RBFOX1: variants seen among roughly 807,000 people sequenced by gnomAD.
The protein encoded by RBFOX1 is RNA binding protein fox-1 homolog 1.
In RBFOX1, 8 loss-of-function variants were observed where a neutral mutation model predicts 57.7. The observed-to-expected ratio is 0.14, with a 90% CI of 0.08 to 0.25. The LOEUF is 0.25. Among genes scored for constraint, RBFOX1 ranks in the 10% least tolerant of loss-of-function variants. The pLI is 1.00. For synonymous variants in RBFOX1, 326 were observed against 222.4 expected (o/e 1.47, Z -4.15); for missense variants, 611 against 548.5 (o/e 1.11, Z -1.14).
chr16:7,652,139 A>G (rs972121560), intron 11 of RBFOX1, among the ~76,000 whole-genome samples: 1 of 152,012 alleles, frequency 6.6e-6, no homozygotes, highest in Non-Finnish European at 1.5e-5. Flanking sequence ...ACTTAGTGAG[A>G]TGGGACAAGT....
chr16:7,434,659 T>A (rs768542665), intron 4 of RBFOX1, among the ~76,000 whole-genome samples: 28 of 152,106 alleles, frequency 1.8e-4, no homozygotes, highest in Admixed American at 3.3e-4. Context: ...TAGAATACTT[T>A]TACATTTACA....
Position 5,597,704 on chromosome 16 carries a change from A to G in RBFOX1, c.259-1198A>G, listed in dbSNP as rs530714896. ...TTGTAGAGCTTTAGGCATTGCTGAC[A>G]CTTTTGAGGCAGGAGCAGTTCCCTA... On this transcript the variant is annotated intron_variant, in intron 2 of 2. Coordinates refer to the RBFOX1 transcript ENST00000585867. 2.0e-5 allele frequency among the ~76,000 whole-genome samples: 3 copies of G among 152,198 alleles called. No individual in the cohort carries two copies. In the East Asian group the frequency reaches 5.8e-4, roughly 29 times the overall value.
rs1165798627 is a variant in RBFOX1 at position 7,229,627 on chromosome 16, G to T, written c.27+177529G>T. Among the ~76,000 whole-genome samples, 4 of 120,766 alleles carry T rather than the reference G, an allele frequency of 3.3e-5. No individual in the cohort carries two copies. The East Asian group carries it at 7.4e-4, about 22-fold the overall frequency. 79.2% of individuals were successfully genotyped at this position (120,766 alleles called of 152,430 possible). ...GAAGGAAGGAGAAGAAAGATGGAGG[G>T]AGGGAAGGGAAGGAAGGGAGAGAGA... On this transcript the variant is annotated intron_variant, in intron 4 of 15. Transcript: ENST00000550418.
intron 4 of RBFOX1, among the ~76,000 whole-genome samples, chr16:5,916,265 A>G (rs12443920): frequency 0.086 from 13,036 of 152,152 alleles, 865 homozygotes; most frequent in African/African-American, 0.18. Flanking sequence ...TATCCATAAC[A>G]GCTCTAATTC....
intron 3 of RBFOX1, among the ~76,000 whole-genome samples, chr16:5,761,013 G>C (rs1014524910): frequency 6.6e-6 from 1 of 152,226 alleles, no homozygotes; most frequent in African/African-American, 2.4e-5. Flanking sequence ...ATGAAAAACA[G>C]ATAATGTGGT....
At chr16:5,866,123 A>T (rs1177288062) in intron 3 of RBFOX1, among the ~76,000 whole-genome samples, 1 of 152,164 alleles carries the variant, frequency 6.6e-6, no homozygotes, top group Non-Finnish European at 1.5e-5. Flanking sequence ...GCACACCACC[A>T]TGCCCAGCTA....
intron 2 of RBFOX1, among the ~76,000 whole-genome samples, chr16:6,480,549 C>G (rs970676869): frequency 6.6e-6 from 1 of 152,202 alleles, no homozygotes; most frequent in African/African-American, 2.4e-5. Context: ...CCATTTTTAA[C>G]TAGCAGGCTG....
intron 2 of RBFOX1, among the ~76,000 whole-genome samples, chr16:6,446,475 T>C (rs1177375731): frequency 2.0e-5 from 3 of 152,198 alleles, no homozygotes; most frequent in Admixed American, 1.3e-4. Context: ...TCAAGTAACA[T>C]AGAAGGGACC....
intron 2 of RBFOX1, among the ~76,000 whole-genome samples, chr16:6,419,466 G>A (rs987705377): frequency 6.6e-6 from 1 of 152,214 alleles, no homozygotes; most frequent in Non-Finnish European, 1.5e-5. Flanking sequence ...AGACAAGACA[G>A]TGCTAAGAAA....
At chr16:6,111,978 C>T (rs1379695231) in intron 1 of RBFOX1, among the ~76,000 whole-genome samples, 1 of 151,978 alleles carries the variant, frequency 6.6e-6, no homozygotes, top group Non-Finnish European at 1.5e-5. Flanking sequence ...ATTAAAGGAT[C>T]GCTAAAACTT....
At chr16:6,561,762 T>C (rs1478626476) in intron 2 of RBFOX1, among the ~76,000 whole-genome samples, 2 of 152,228 alleles carry the variant, frequency 1.3e-5, no homozygotes, top group Non-Finnish European at 1.5e-5. Flanking sequence ...TAACATAATA[T>C]GGCTTTATAA....
chr16:6,956,107 G>A (rs945974113), intron 3 of RBFOX1, among the ~76,000 whole-genome samples: 1 of 152,052 alleles, frequency 6.6e-6, no homozygotes, highest in Non-Finnish European at 1.5e-5. Flanking sequence ...TCTGAGTGAG[G>A]GCCACAGAGG....
intron 1 of RBFOX1, among the ~76,000 whole-genome samples, chr16:6,194,325 G>C (rs954965118): frequency 1.1e-4 from 17 of 152,146 alleles, no homozygotes; most frequent in African/African-American, 4.1e-4. Flanking sequence ...GCTTCTAATT[G>C]GCATTTCTTC....
chr16:5,286,272 G>A (rs2063392735), intron 1 of RBFOX1, among the ~76,000 whole-genome samples: 1 of 152,194 alleles, frequency 6.6e-6, no homozygotes, highest in African/African-American at 2.4e-5. Context: ...TTGGTTGCTG[G>A]CAGTGGCAGT....
intron 4 of RBFOX1, among the ~76,000 whole-genome samples, chr16:7,258,196 T>G (rs2094773892): frequency 6.6e-6 from 1 of 152,228 alleles, no homozygotes; most frequent in Admixed American, 6.5e-5. Flanking sequence ...CAATGTGCCA[T>G]GTACAGAGAG....
intron 2 of RBFOX1, among the ~76,000 whole-genome samples, chr16:6,439,523 C>T (rs2094321847): frequency 6.6e-6 from 1 of 152,168 alleles, no homozygotes; most frequent in Non-Finnish European, 1.5e-5. Context: ...CTCATGCCTC[C>T]TGAGCTGCCC....
At chr16:6,410,658 GGAA>G (rs1475423786) in intron 2 of RBFOX1, among the ~76,000 whole-genome samples, 1 of 152,124 alleles carries the variant, frequency 6.6e-6, no homozygotes, top group Non-Finnish European at 1.5e-5. Context: ...CAAGGCGTGC[GGAA>G]GCACACTGAT....
chr16:7,345,993 A>G (rs1252695556), intron 4 of RBFOX1, among the ~76,000 whole-genome samples: 2 of 151,966 alleles, frequency 1.3e-5, no homozygotes, highest in African/African-American at 4.8e-5. Flanking sequence ...CAACCCCACA[A>G]CAGGCCCCGG....
intron 4 of RBFOX1, among the ~76,000 whole-genome samples, chr16:7,075,867 A>C (rs1367892107): frequency 6.6e-6 from 1 of 151,990 alleles, no homozygotes; most frequent in African/African-American, 2.4e-5. Flanking sequence ...GGCGTGAGCC[A>C]CCGCGCCCGG....
Sources: allele counts gnomAD v4.1 joint callset (sites outside exome capture counted in the v4.1 genomes callset), GRCh38; gene constraint gnomAD v4.1.1; transcripts MANE v1.5; gene names NCBI Gene and HGNC (gene_info 2026-07-23, HGNC 2026-07-21).